CCDC57: variants seen among roughly 807,000 people sequenced by gnomAD.
CCDC57 encodes coiled-coil domain containing 57, also known as coiled-coil domain-containing protein 57.
CCDC57 carries 118 observed loss-of-function variants against 118.9 expected under a neutral mutation model. The ratio of observed to expected loss-of-function variants is 0.99; its 90% CI spans 0.86 to 1.16. The LOEUF is 1.16. CCDC57 is among the 50% of genes most tolerant of loss of function. The pLI, the probability that CCDC57 is intolerant of heterozygous loss-of-function variation, is 0.00. For synonymous variants in CCDC57, 527 were observed against 532.9 expected (o/e 0.99, Z 0.15); for missense variants, 1,300 against 1,320.7 (o/e 0.98, Z 0.24).
chr17:82,193,955 G>A (rs950592469), intron 6 of CCDC57, 27 bp downstream of exon 5: 18 of 1,596,920 alleles, frequency 1.1e-5, no homozygotes, highest in South Asian at 3.3e-5. Context: ...CACAGAGCAC[G>A]CCTCGGGAGA....
chr17:82,179,230 G>A (rs760096722), intron 9 of CCDC57, 41 bp from the exon 9 acceptor site: 1 of 1,582,644 alleles, frequency 6.3e-7, no homozygotes, highest in Non-Finnish European at 8.6e-7. Context: ...TGCTTCCTGA[G>A]GTCCCTTCCA....
At chr17:82,135,375 T>C (rs573092344) in intron 16 of CCDC57, 27 of 152,320 alleles carry the variant, frequency 1.8e-4, no homozygotes, top group African/African-American at 6.5e-4. Context: ...GTGCTGGGAA[T>C]ACAGGTGTGA....
intron 16 of CCDC57, among the ~76,000 whole-genome samples, chr17:82,144,403 A>G (rs8080423): frequency 0.47 from 71,122 of 152,086 alleles, 17,431 homozygotes; most frequent in East Asian, 0.88. Flanking sequence ...GATACATAGC[A>G]TGTACTCCCC....
chr17:82,188,176 G>T, intron 8 of CCDC57, 43 bp downstream of exon 7: 1 of 1,491,928 alleles, frequency 6.7e-7, no homozygotes. Flanking sequence ...AGCCACGGCC[G>T]TCCCTGCCCT....
chr17:82,102,030 A>ATCC (rs1028090206), intron 19 of CCDC57, among the ~76,000 whole-genome samples, 164 bp from the exon 19 acceptor site: 31 of 152,334 alleles, frequency 2.0e-4, no homozygotes, highest in African/African-American at 7.2e-4. Context: ...AGGCCAAAGG[A>ATCC]TCCTGGAGTG....
At chr17:82,206,522 C>G (rs192413687) in intron 2 of CCDC57, among the ~76,000 whole-genome samples, 2 of 151,620 alleles carry the variant, frequency 1.3e-5, no homozygotes, top group Admixed American at 1.3e-4. Flanking sequence ...CCCAAGAGGA[C>G]AGGGTGTGGA....
intron 19 of CCDC57, among the ~76,000 whole-genome samples, chr17:82,102,317 G>T (rs1055476234): frequency 6.6e-6 from 1 of 152,236 alleles, no homozygotes; most frequent in African/African-American, 2.4e-5. Flanking sequence ...CTCCCCGATG[G>T]GCCAGCAGTG....
At chr17:82,126,500 G>T in intron 19 of CCDC57, 3 of 972,996 alleles carry the variant, frequency 3.1e-6, no homozygotes, top group East Asian at 2.3e-4. Flanking sequence ...TACACAAATG[G>T]GCAGGTAACT....
intron 1 of CCDC57, among the ~76,000 whole-genome samples, chr17:82,209,376 C>A (rs566503797): frequency 1.3e-5 from 2 of 152,102 alleles, no homozygotes; most frequent in Admixed American, 1.3e-4. Flanking sequence ...CAAAGCACAA[C>A]AAAAAACAAA....
At position 82,194,371 on chromosome 17, in the gene CCDC57, C is replaced by T. The variant is rs568103384; in HGVS notation, c.619-232G>A. On this transcript the variant is annotated intron_variant, in intron 5 of 19. Coordinates refer to ENST00000665763, the Ensembl canonical transcript of CCDC57. Reference sequence around the variant, plus strand: ...TGTTGCCCAGGCTGGAGTGCAATGGCGTGATCTCGGCTCACTGCAACCTCC... The same window carrying T: ...TGTTGCCCAGGCTGGAGTGCAATGGTGTGATCTCGGCTCACTGCAACCTCC... 148 of 414,218 alleles carry T rather than the reference C, an allele frequency of 3.6e-4. 1 individual carries two copies. The highest frequency in any genetic ancestry group is 2.6e-3 in the African/African-American group (129 of 48,738). 25.7% of individuals were successfully genotyped at this position (414,218 alleles called of 1,614,324 possible). A position where few individuals can be genotyped will look rare whatever the true frequency, so the allele number is the denominator to read the frequency against.
chr17:82,141,935 G>T (rs942363074), intron 16 of CCDC57, among the ~76,000 whole-genome samples: 1 of 152,134 alleles, frequency 6.6e-6, no homozygotes, highest in African/African-American at 2.4e-5. Flanking sequence ...GCTGCTTTGC[G>T]ATTTTACCAC....
chr17:82,101,609 C>G, exon 20 of CCDC57: 2 of 1,283,324 alleles, frequency 1.6e-6, no homozygotes, highest in South Asian at 2.6e-5. Flanking sequence ...CCCCCCACAA[C>G]ACGTAGGTGA....
intron 7 of CCDC57, among the ~76,000 whole-genome samples, chr17:82,191,027 T>C (rs1015003829): frequency 1.3e-5 from 2 of 151,782 alleles, no homozygotes; most frequent in Non-Finnish European, 2.9e-5. Context: ...AAGAAAGCTG[T>C]GTCTAGATGT....
chr17:82,110,582 A>G (rs2035174541), intron 19 of CCDC57, among the ~76,000 whole-genome samples: 1 of 152,212 alleles, frequency 6.6e-6, no homozygotes, highest in Non-Finnish European at 1.5e-5. Flanking sequence ...CTAGAATCTC[A>G]TCATACCAGG....
chr17:82,207,627 C>G (rs1472457498), intron 2 of CCDC57: 1 of 152,236 alleles, frequency 6.6e-6, no homozygotes, highest in Non-Finnish European at 1.5e-5. Flanking sequence ...GCCCCCTACA[C>G]ACTAAGTTAT....
rs985169830 is a variant in CCDC57, at chr17:82,118,709, C to T, written c.2899+8983G>A. ...AACTGCCTTAGGGAGAGCTTCCGTC[C>T]GCACTGGGTGCCACTCAGTCTGCCG... On this transcript the variant is annotated intron_variant, in intron 19 of 19. Transcript: ENST00000665763. This position sits in a 1 kb window ranked among gnomAD's most constrained non-coding sequence, Gnocchi z 4.7. 3.9e-5 allele frequency among the ~76,000 whole-genome samples: 6 copies of T among 152,110 alleles called. No individual in the cohort carries two copies. Among genetic ancestry groups the T allele is most frequent in the Admixed American group, 3.3e-4 (5 of 15,274 alleles).
chr17:82,189,137 G>A (rs763240766), intron 7 of CCDC57, among the ~76,000 whole-genome samples: 1 of 151,964 alleles, frequency 6.6e-6, no homozygotes, highest in African/African-American at 2.4e-5. Context: ...TTACGGTGGC[G>A]GGTGCCCATA....
chr17:82,134,006 T>C, intron 17 of CCDC57, 67 bp downstream of exon 16: 6 of 1,290,600 alleles, frequency 4.6e-6, no homozygotes, highest in African/African-American at 1.5e-5. Flanking sequence ...CTGAAGTTTC[T>C]GTAATGAAAA....
intron 2 of CCDC57, among the ~76,000 whole-genome samples, chr17:82,204,699 C>T (rs1194522384): frequency 6.6e-6 from 1 of 152,110 alleles, no homozygotes; most frequent in East Asian, 1.9e-4. Context: ...AGGAGAATGG[C>T]GTGAACCCCG....
Sources: gnomAD v4.1 joint callset for allele counts (sites outside exome capture counted in the v4.1 genomes callset) on GRCh38, gnomAD v4.1.1 for gene constraint, Gnocchi (gnomAD v3.1) non-coding constraint, MANE v1.5 for transcripts, NCBI Gene and HGNC (gene_info 2026-07-23, HGNC 2026-07-21) for gene names.